The following PRPF38A variants were observed in gnomAD, a reference collection of about 807,000 sequenced individuals.
PRPF38A encodes pre-mRNA-splicing factor 38A.
PRPF38A carries 11 observed loss-of-function variants against 46.8 expected under a neutral mutation model. That is an observed-to-expected ratio of 0.24 (90% CI 0.15 to 0.39). The LOEUF is 0.39. Among genes scored for constraint, PRPF38A ranks in the 10% least tolerant of loss-of-function variants. PRPF38A has a pLI of 1.00. For synonymous variants in PRPF38A, 124 were observed against 136.2 expected, an observed-to-expected ratio of 0.91 and a Z score of 0.62; for missense variants, 261 against 407.5, an observed-to-expected ratio of 0.64 and a Z score of 3.10.
intron 2 of PRPF38A, among the ~76,000 whole-genome samples, chr1:52,407,317 G>A (rs923116368): frequency 6.6e-6 from 1 of 152,166 alleles, no homozygotes; most frequent in African/African-American, 2.4e-5. Context: ...CCCCTGGCTG[G>A]AACGACTCTA....
Position 52,418,595 on chromosome 1 carries a change from C to CCAAT in PRPF38A, c.*1910_*1913dup, listed in dbSNP as rs1490043253. 3 of 152,092 alleles carry CCAAT rather than the reference C, an allele frequency of 2.0e-5. No individual in the cohort carries two copies. The highest frequency in any genetic ancestry group is 2.1e-4 in the South Asian group (1 of 4,828). The allele number at this position is 152,092 out of a possible 1,614,324, so 9.4% of individuals were successfully genotyped here. A position where few individuals can be genotyped will look rare whatever the true frequency, so the allele number is the denominator to read the frequency against. On this transcript the variant is annotated 3_prime_UTR_variant, in exon 10 of 10. Coordinates refer to ENST00000257181, the MANE Select transcript of PRPF38A (RefSeq NM_032864.4). ...GTGGACCAAAATTGAGGTACCACAG[C>CCAAT]CAATCAATAGCAGGAAAGAGAATGT...
chr1:52,412,442 A>G, intron 4 of PRPF38A, 72 bp from the exon 5 acceptor site: 1 of 1,027,188 alleles, frequency 9.7e-7, no homozygotes, highest in South Asian at 1.5e-5. Context: ...TGGAACCCTG[A>G]AGCCCAGTGT....
chr1:52,412,658 A>G, intron 5 of PRPF38A, 34 bp downstream of exon 5: 2 of 1,326,526 alleles, frequency 1.5e-6, no homozygotes, highest in Non-Finnish European at 2.1e-6. Context: ...GTTGTAGGGG[A>G]GGGAGTAATA....
rs925767955 is a variant in PRPF38A, at chr1:52,418,749, CTA to C, written c.*2061_*2062del. On this transcript the variant is annotated 3_prime_UTR_variant, in exon 10 of 10. Transcript: ENST00000257181. ...CTTGCTGTAAGGCTCTTTCTGTCAT[CTA>C]TGTGCTTGCCTATGGATGAAGCATT... The C allele has an allele frequency of 7.9e-5, 12 of 152,324 alleles. No individual in the cohort carries two copies. Among genetic ancestry groups the C allele is most frequent in the East Asian group, 5.8e-4 (3 of 5,188 alleles). 9.4% of individuals were successfully genotyped at this position (152,324 alleles called of 1,614,324 possible).
chr1:52,408,548 T>C (rs776322134), intron 2 of PRPF38A, 21 bp from the exon 3 acceptor site: 4 of 1,613,894 alleles, frequency 2.5e-6, no homozygotes, highest in African/African-American at 2.7e-5. Flanking sequence ...GCCTGTTGTT[T>C]CACTGTCATC....
chr1:52,413,976 G>C lies in PRPF38A; in HGVS notation c.707G>C (p.Ser236Thr). 6.2e-7 allele frequency: 1 copy of C among 1,612,400 alleles called. No homozygotes were observed. The highest frequency in any genetic ancestry group is 8.5e-7 in the Non-Finnish European group (1 of 1,178,446). Residue 236 changes from serine (S) to threonine (T), a missense_variant, in exon 6 of 10, where the codon AGC becomes ACC. Coordinates refer to ENST00000257181, the MANE Select transcript of PRPF38A (RefSeq NM_032864.4). The part of the protein sequence containing the change: ...SPTLRYRRSR[S>T]RSPRRRSRSP... ...ACACTGCGCTACAGGAGGAGTAGGA[G>C]CCGGTCTCCCAGAAGGTAAAGCCTA...
In PRPF38A at chr1:52,416,691, T is replaced by C. The variant is rs1648301805; in HGVS notation, c.*1T>C. The C allele has an allele frequency of 1.2e-6, 2 of 1,611,406 alleles. No homozygotes were observed. Among genetic ancestry groups the C allele is most frequent in the Non-Finnish European group, 1.7e-6 (2 of 1,177,494 alleles). On this transcript the variant is annotated 3_prime_UTR_variant, in exon 10 of 10. Coordinates refer to ENST00000257181, the MANE Select transcript of PRPF38A (RefSeq NM_032864.4). ...GAAGAGCCGGAGAGGGAATGAGTAA[T>C]GGACTCAGTTTGGTTTTAGTCCACA... is the stretch of plus-strand genomic sequence containing the variant.
In PRPF38A at chr1:52,413,961, A is replaced by G; in HGVS notation, c.692A>G (p.Tyr231Cys). 6.2e-7 allele frequency: 1 copy of G among 1,613,800 alleles called. No individual in the cohort carries two copies. Among genetic ancestry groups the G allele is most frequent in the African/African-American group, 1.3e-5 (1 of 75,026 alleles). ...CCCCGTCGCTCTCCCACACTGCGCT[A>G]CAGGAGGAGTAGGAGCCGGTCTCCC... ...DKPRRSPTLR[Y>C]RRSRSRSPRR... Residue 231 changes from tyrosine to cysteine, a missense_variant, in exon 6 of 10, where the codon TAC becomes TGC. Physicochemically the swap from Tyr to Cys is radical, Grantham distance 194. This residue lies in a region of PRPF38A where 180 missense variants were observed against 221.0 expected (regional missense o/e 0.81). Coordinates refer to ENST00000257181, the MANE Select transcript of PRPF38A (RefSeq NM_032864.4).
chr1:52,408,869 G>C (rs970093867), intron 3 of PRPF38A, 179 bp downstream of exon 3: 2 of 644,798 alleles, frequency 3.1e-6, no homozygotes, highest in Admixed American at 3.3e-5. Context: ...TACTAGCTTC[G>C]TGTTGGCCTT....
intron 2 of PRPF38A, among the ~76,000 whole-genome samples, chr1:52,406,780 T>C (rs1453827529): frequency 1.3e-5 from 2 of 152,196 alleles, no homozygotes; most frequent in African/African-American, 4.8e-5. Context: ...TTCATTTCAC[T>C]TTCACAACAA....
chr1:52,412,173 CAGCCATGAACTTATT>C (rs998159619), intron 4 of PRPF38A, among the ~76,000 whole-genome samples: 1 of 152,148 alleles, frequency 6.6e-6, no homozygotes, highest in Admixed American at 6.5e-5. Flanking sequence ...GTGGAACTAC[CAGCCATGAACTTATT>C]AGCCCTTGGA....
At chr1:52,406,214 C>G (rs1256052093) in intron 2 of PRPF38A, among the ~76,000 whole-genome samples, 3 of 152,002 alleles carry the variant, frequency 2.0e-5, no homozygotes, top group African/African-American at 7.3e-5. Flanking sequence ...GTCTCGAACT[C>G]CAGACTTCAG....
chr1:52,408,551 C>T lies in PRPF38A; in HGVS notation c.291-18C>T. On this transcript the variant is annotated intron_variant, in intron 2 of 9. Coordinates refer to ENST00000257181, the MANE Select transcript of PRPF38A (RefSeq NM_032864.4). ...ACTTCTAGGATGGCCTGTTGTTTCA[C>T]TGTCATCTGTCTCTCAGGTATGTCC... 1 of 1,614,056 alleles carries T rather than the reference C, an allele frequency of 6.2e-7. No individual in the cohort carries two copies.
chr1:52,414,703 A>G, intron 7 of PRPF38A, 56 bp downstream of exon 7: 1 of 1,613,196 alleles, frequency 6.2e-7, no homozygotes, highest in Non-Finnish European at 8.5e-7. Flanking sequence ...GGGTGGTGGT[A>G]TTGGTGTTAT....
rs548227043 is a variant in PRPF38A at position 52,418,614 on chromosome 1, A to G, written c.*1924A>G. On this transcript the variant is annotated 3_prime_UTR_variant, in exon 10 of 10. Transcript: ENST00000257181. The stretch of plus-strand genomic sequence containing the variant: ...CCACAGCCAATCAATAGCAGGAAAG[A>G]GAATGTCCCTATTCTTTAATTAGAA... 2.0e-5 allele frequency: 3 copies of G among 152,342 alleles called. No individual in the cohort carries two copies. In the East Asian group the frequency reaches 5.8e-4, roughly 29 times the overall value. The allele number at this position is 152,342 out of a possible 1,614,324, so 9.4% of individuals were successfully genotyped here.
rs563904707 is a variant in PRPF38A at position 52,411,032 on chromosome 1, A to G, written c.413-83A>G. The stretch of plus-strand genomic sequence containing the variant: ...AGGCCTAGCACATAGATGTCCTGAT[A>G]TGAAGTCTTAACACTTCTTTTACTT... On this transcript the variant is annotated intron_variant, in intron 3 of 9. Transcript: ENST00000257181. The G allele has an allele frequency of 1.3e-5, 12 of 938,936 alleles. 1 individual carries two copies. The highest frequency in any genetic ancestry group is 1.1e-4 in the South Asian group (8 of 72,082). 58.2% of individuals were successfully genotyped at this position (938,936 alleles called of 1,614,324 possible).
At chr1:52,415,284 A>G in intron 8 of PRPF38A, 54 bp from the exon 9 acceptor site, 1 of 1,563,992 alleles carries the variant, frequency 6.4e-7, no homozygotes, top group South Asian at 1.1e-5. Flanking sequence ...TGAGAATGAC[A>G]GTTTAATAAG....
intron 9 of PRPF38A, among the ~76,000 whole-genome samples, chr1:52,415,832 CTTTTTTTTTTTTTTTT>C (rs71041898): frequency 1.9e-5 from 1 of 51,568 alleles, no homozygotes. Flanking sequence ...TGGGTGCACT[CTTTTTTTTTTTTTTTT>C]TTTTTTTTTT....
At chr1:52,414,311 T>A (rs775460270) in intron 6 of PRPF38A, among the ~76,000 whole-genome samples, 62 of 152,230 alleles carry the variant, frequency 4.1e-4, no homozygotes, top group Non-Finnish European at 1.5e-4. Context: ...CTTCTCTGTG[T>A]CATCCTCTAG....
Sources: allele counts gnomAD v4.1 joint callset (sites outside exome capture counted in the v4.1 genomes callset), GRCh38; gene constraint gnomAD v4.1.1; regional missense constraint gnomAD v4.1.1; transcripts MANE v1.5; gene names NCBI Gene and HGNC (gene_info 2026-07-23, HGNC 2026-07-21).